SDC2: variants seen among roughly 807,000 people sequenced by gnomAD.
SDC2 encodes syndecan-2.
SDC2 carries 13 observed loss-of-function variants against 22.2 expected under a neutral mutation model. That is an observed-to-expected ratio of 0.59 (90% CI 0.38 to 0.93). SDC2 has a LOEUF of 0.93. Ranked by LOEUF, SDC2 falls within the 40% of genes least tolerant of loss-of-function variation. The pLI is 0.00. For synonymous variants in SDC2, 94 were observed against 92.8 expected, an observed-to-expected ratio of 1.01 and a Z score of -0.07; for missense variants, 235 against 246.8, an observed-to-expected ratio of 0.95 and a Z score of 0.32.
intron 2 of SDC2, among the ~76,000 whole-genome samples, chr8:96,595,067 G>A (rs1678341373): frequency 6.6e-6 from 1 of 152,176 alleles, no homozygotes; most frequent in African/African-American, 2.4e-5. Context: ...AAAGGGAAGA[G>A]CTTTCCACAT....
intron 1 of SDC2, among the ~76,000 whole-genome samples, chr8:96,531,115 A>G (rs1813654328): frequency 6.6e-6 from 1 of 152,244 alleles, no homozygotes; most frequent in Non-Finnish European, 1.5e-5. Flanking sequence ...ACTGTGATCT[A>G]ACCCAACCCT....
chr8:96,593,406 A>G, intron 1 of SDC2, 74 bp from the exon 2 acceptor site: 1 of 975,768 alleles, frequency 1.0e-6, no homozygotes, highest in Admixed American at 1.8e-5. Flanking sequence ...TGCAGTATGT[A>G]CCTGAACAAT....
At chr8:96,526,527 A>G (rs1813581215) in intron 1 of SDC2, among the ~76,000 whole-genome samples, 1 of 152,164 alleles carries the variant, frequency 6.6e-6, no homozygotes. Flanking sequence ...AGGCAGGGAG[A>G]CAGAAGATCT....
intron 1 of SDC2, among the ~76,000 whole-genome samples, chr8:96,560,031 A>G (rs944059813): frequency 2.0e-4 from 31 of 152,202 alleles, no homozygotes; most frequent in African/African-American, 6.5e-4. Flanking sequence ...GTCCAATTCA[A>G]TGGTTTTTAG....
At chr8:96,530,382 C>T (rs1453875561) in intron 1 of SDC2, among the ~76,000 whole-genome samples, 1 of 152,176 alleles carries the variant, frequency 6.6e-6, no homozygotes, top group African/African-American at 2.4e-5. Context: ...GCCTGTAATC[C>T]CAGCACTTTG....
intron 3 of SDC2, among the ~76,000 whole-genome samples, chr8:96,604,691 G>A (rs180755397): frequency 6.6e-6 from 1 of 152,168 alleles, no homozygotes; most frequent in African/African-American, 2.4e-5. Context: ...GCACAAAAGG[G>A]AATCTCGTTA....
intron 1 of SDC2, among the ~76,000 whole-genome samples, chr8:96,565,426 G>T (rs1274703958): frequency 6.6e-6 from 1 of 152,048 alleles, no homozygotes; most frequent in African/African-American, 2.4e-5. Context: ...ATATCTCAGA[G>T]TCTTACAGGA....
intron 1 of SDC2, among the ~76,000 whole-genome samples, chr8:96,543,749 A>G (rs535405829): frequency 2.0e-5 from 3 of 152,330 alleles, no homozygotes; most frequent in African/African-American, 7.2e-5. Context: ...GCTCTGGGGA[A>G]GCCATCATAT....
intron 1 of SDC2, among the ~76,000 whole-genome samples, chr8:96,544,397 C>T (rs1813899506): frequency 6.6e-6 from 1 of 152,094 alleles, no homozygotes; most frequent in Non-Finnish European, 1.5e-5. Flanking sequence ...TCTTGTCCTT[C>T]CTGCTTGCTG....
chr8:96,519,866 G>A (rs141875942), intron 1 of SDC2, among the ~76,000 whole-genome samples: 3,535 of 152,184 alleles, frequency 0.023, 144 homozygotes, highest in African/African-American at 0.08. Context: ...GACCTCAAGT[G>A]ATCGGCCTGC....
At chr8:96,549,293 T>C (rs1201132400) in intron 1 of SDC2, among the ~76,000 whole-genome samples, 3 of 152,224 alleles carry the variant, frequency 2.0e-5, no homozygotes, top group Admixed American at 2.0e-4. Context: ...TAATAAAATC[T>C]TTTTTTCTTT....
chr8:96,556,676 A>G (rs1442703089), intron 1 of SDC2, among the ~76,000 whole-genome samples: 14 of 152,208 alleles, frequency 9.2e-5, no homozygotes, highest in Non-Finnish European at 1.9e-4. Context: ...AAACCCTAGA[A>G]GAAAACCTAG....
intron 1 of SDC2, among the ~76,000 whole-genome samples, chr8:96,512,080 G>GA (rs1194510296): frequency 6.6e-6 from 1 of 152,160 alleles, no homozygotes; most frequent in African/African-American, 2.4e-5. Flanking sequence ...AGTCAAGGGG[G>GA]AGAACATACC....
intron 1 of SDC2, among the ~76,000 whole-genome samples, chr8:96,510,457 C>T (rs1381385859): frequency 1.3e-5 from 2 of 152,180 alleles, no homozygotes; most frequent in African/African-American, 4.8e-5. Context: ...TCATAGTTTA[C>T]TTTGTTCGGG....
chr8:96,601,537 A>T (rs1814985161), intron 2 of SDC2, among the ~76,000 whole-genome samples: 1 of 145,726 alleles, frequency 6.9e-6, no homozygotes. Flanking sequence ...GCTACTCGGG[A>T]GGCTGAGGCA....
intron 1 of SDC2, among the ~76,000 whole-genome samples, chr8:96,540,328 C>CTA (rs1388653536): frequency 3.5e-5 from 2 of 56,500 alleles, no homozygotes; most frequent in Non-Finnish European, 1.1e-4. Context: ...CCTGTCTCTA[C>CTA]TATATATATG....
chr8:96,542,466 G>A (rs1563655103), intron 1 of SDC2, among the ~76,000 whole-genome samples: 2 of 152,176 alleles, frequency 1.3e-5, no homozygotes, highest in African/African-American at 2.4e-5. Context: ...TTTAATTGAA[G>A]GTTATTAATG....
chr8:96,568,728 C>T (rs755655407), intron 1 of SDC2, among the ~76,000 whole-genome samples: 1 of 152,116 alleles, frequency 6.6e-6, no homozygotes, highest in Non-Finnish European at 1.5e-5. Context: ...ATAATTCAGG[C>T]CACCATTTTA....
intron 1 of SDC2, among the ~76,000 whole-genome samples, chr8:96,527,041 C>T (rs1813589125): frequency 6.6e-6 from 1 of 152,152 alleles, no homozygotes; most frequent in East Asian, 1.9e-4. Context: ...TTCTCCATGT[C>T]TCCTGCTAAT....
Sources: gnomAD v4.1 joint callset for allele counts (sites outside exome capture counted in the v4.1 genomes callset) on GRCh38, gnomAD v4.1.1 for gene constraint, MANE v1.5 for transcripts, NCBI Gene and HGNC (gene_info 2026-07-23, HGNC 2026-07-21) for gene names.